The following AK6 variants were observed in gnomAD, a reference collection of about 807,000 sequenced individuals.
The protein encoded by AK6 is adenylate kinase isoenzyme 6.
AK6 carries 24 observed loss-of-function variants against 23.7 expected under a neutral mutation model. The observed-to-expected ratio is 1.01, with a 90% confidence interval of 0.73 to 1.43. AK6 has a LOEUF of 1.43. Among genes scored for constraint, AK6 ranks in the 40% most tolerant of loss-of-function variants. The pLI is 0.00. For synonymous variants in AK6, 73 were observed against 69.8 expected (o/e 1.05, Z -0.23); for missense variants, 191 against 199.1 (o/e 0.96, Z 0.24).
chr5:69,367,391 T>A (rs1033275715), intron 1 of AK6, among the ~76,000 whole-genome samples: 1 of 150,234 alleles, frequency 6.7e-6, no homozygotes. Context: ...GTGCCTGTAA[T>A]CCCAGCTACT....
At chr5:69,367,585 A>G (rs1762506676) in intron 1 of AK6, among the ~76,000 whole-genome samples, 1 of 151,664 alleles carries the variant, frequency 6.6e-6, no homozygotes, top group Non-Finnish European at 1.5e-5. Flanking sequence ...AAGACAAGAT[A>G]TCTCTTTGTT....
rs758863809 is a variant in AK6, at chr5:69,351,080, TAG to T, written c.*979_*980del. On this transcript the variant is annotated 3_prime_UTR_variant, in exon 5 of 5. Transcript: ENST00000380822. Reference sequence around the variant, plus strand: ...CTGCAAGGGGATGAGGAGGAAAGAATAGAGAGTGACTGCTAAAGGGTATAGGA... The same window carrying T: ...CTGCAAGGGGATGAGGAGGAAAGAATAGAGTGACTGCTAAAGGGTATAGGA... The T allele has an allele frequency of 5.3e-5, 8 of 152,216 alleles. No individual in the cohort carries two copies. The highest frequency in any genetic ancestry group is 2.6e-4 in the Admixed American group (4 of 15,272). 9.4% of individuals were successfully genotyped at this position (152,216 alleles called of 1,614,324 possible).
intron 2 of AK6, among the ~76,000 whole-genome samples, chr5:69,363,221 C>G (rs1171701681): frequency 1.3e-5 from 2 of 152,222 alleles, no homozygotes; most frequent in Non-Finnish European, 2.9e-5. Context: ...GAGCAAGACT[C>G]TGTCTCAACC....
At chr5:69,364,843 AG>A in intron 2 of AK6, 1 of 1,026,060 alleles carries the variant, frequency 9.7e-7, no homozygotes, top group Non-Finnish European at 1.4e-6. Flanking sequence ...CATTATTATT[AG>A]TTTTCTAAAA....
chr5:69,365,187 C>T, intron 2 of AK6: 1 of 1,614,182 alleles, frequency 6.2e-7, no homozygotes, highest in Non-Finnish European at 8.5e-7. Context: ...AAACCTTTGA[C>T]CTGTGAGGGA....
intron 2 of AK6, among the ~76,000 whole-genome samples, chr5:69,366,085 C>T (rs980850446): frequency 6.6e-5 from 10 of 152,186 alleles, no homozygotes; most frequent in African/African-American, 2.4e-4. Context: ...TCACACTAAT[C>T]TAAGATACCA....
chr5:69,365,843 A>T lies in AK6; in HGVS notation c.121+660T>A, dbSNP rs1330530937. On this transcript the variant is annotated intron_variant, in intron 2 of 4. Coordinates refer to ENST00000380822, the MANE Select transcript of AK6 (RefSeq NM_016283.5). ...CTGTCAGGAACTTAAAAAAATTTTA[A>T]ATCTATGTTAAACTGTAAAAAAATT... 5 of 998,450 alleles carry T rather than the reference A, an allele frequency of 5.0e-6. No individual in the cohort carries two copies. The South Asian group carries it at 8.6e-5, about 17-fold the overall frequency. The allele number at this position is 998,450 out of a possible 1,614,324, so 61.8% of individuals were successfully genotyped here.
At chr5:69,357,733 T>C (rs1190233513) in intron 2 of AK6, among the ~76,000 whole-genome samples, 2 of 152,328 alleles carry the variant, frequency 1.3e-5, no homozygotes, top group South Asian at 2.1e-4. Context: ...TATTTATGCC[T>C]GTTATATGTT....
chr5:69,369,319 C>T, intron 1 of AK6, 144 bp downstream of exon 1: 3 of 856,966 alleles, frequency 3.5e-6, no homozygotes, highest in Middle Eastern at 3.8e-4. Context: ...AGGGTCGGCT[C>T]CCGGGGCGCT....
In AK6 at chr5:69,355,687, T is replaced by A. The variant is rs932609460; in HGVS notation, c.288A>T (p.Arg96Ser). The change falls in exon 4 of 5, where the codon AGA becomes AGT. Residue 96 changes from arginine to serine, a missense_variant. By Grantham distance (110) the Arg-to-Ser change is moderately radical. Transcript: ENST00000380822. ...ERWFHIVFVL[R>S]TDTNVLYERL... is the part of the protein sequence containing the mutation. Reference sequence around the variant, plus strand: ...TTTCGTACAATACATTGGTATCTGTTCTCAGCACAAAAACTATATGAAACC... The same window carrying A: ...TTTCGTACAATACATTGGTATCTGTACTCAGCACAAAAACTATATGAAACC... The A allele has an allele frequency of 1.2e-6, 2 of 1,613,458 alleles. No individual in the cohort carries two copies. Among genetic ancestry groups the A allele is most frequent in the Non-Finnish European group, 1.7e-6 (2 of 1,179,986 alleles).
intron 4 of AK6, 31 bp from the exon 5 acceptor site, chr5:69,352,284 A>G (rs1323209604): frequency 6.4e-7 from 1 of 1,562,282 alleles, no homozygotes; most frequent in Non-Finnish European, 8.7e-7. Context: ...GCAAACAAGA[A>G]GCAAAATAAA....
chr5:69,369,651 G>C (rs772727876), upstream of AK6: 3 of 1,561,202 alleles, frequency 1.9e-6, no homozygotes, highest in South Asian at 1.2e-5. Flanking sequence ...GCGGCCCACT[G>C]GTTACCTGGC....
intron 2 of AK6, among the ~76,000 whole-genome samples, chr5:69,364,217 A>G (rs183446950): frequency 6.7e-6 from 1 of 150,098 alleles, no homozygotes; most frequent in African/African-American, 2.4e-5. Context: ...ATTAAAAAAA[A>G]TATATATATA....
intron 2 of AK6, among the ~76,000 whole-genome samples, chr5:69,356,432 T>C (rs1276390967): frequency 6.6e-6 from 1 of 151,508 alleles, no homozygotes; most frequent in Non-Finnish European, 1.5e-5. Flanking sequence ...GAGGATCTCT[T>C]GAGCCCAGGA....
At chr5:69,367,483 C>T (rs944695359) in intron 1 of AK6, among the ~76,000 whole-genome samples, 4 of 139,508 alleles carry the variant, frequency 2.9e-5, no homozygotes, top group African/African-American at 2.6e-5. Context: ...GCACTCCAGC[C>T]TGGCGACAGA....
intron 4 of AK6, 45 bp downstream of exon 4, chr5:69,355,604 A>T: frequency 6.6e-7 from 1 of 1,525,830 alleles, no homozygotes. Context: ...ATCTGAATAA[A>T]AGTTAACATT....
chr5:69,366,403 C>T, intron 2 of AK6, 100 bp downstream of exon 2: 2 of 862,280 alleles, frequency 2.3e-6, no homozygotes, highest in Middle Eastern at 3.6e-4. Context: ...TAATGGCAAT[C>T]TCTGTTTTTT....
At chr5:69,361,289 T>C (rs1489572856) in intron 2 of AK6, among the ~76,000 whole-genome samples, 1 of 151,606 alleles carries the variant, frequency 6.6e-6, no homozygotes, top group Non-Finnish European at 1.5e-5. Flanking sequence ...GCCCGGCTAA[T>C]TTTTTGTATT....
At chr5:69,365,802 G>A in intron 2 of AK6, 1 of 1,310,430 alleles carries the variant, frequency 7.6e-7, no homozygotes, top group South Asian at 2.0e-5. Flanking sequence ...ATCTGAAATA[G>A]TTACTTTAGT....
Sources: allele counts gnomAD v4.1 joint callset (sites outside exome capture counted in the v4.1 genomes callset), GRCh38; gene constraint gnomAD v4.1.1; transcripts MANE v1.5; gene names NCBI Gene and HGNC (gene_info 2026-07-23, HGNC 2026-07-21).